The following TRIM59 variants were observed in gnomAD, a reference collection of about 807,000 sequenced individuals.
TRIM59 encodes tripartite motif-containing protein 59.
Under a neutral mutation model 32.2 loss-of-function variants are expected in TRIM59, and 14 were observed. The ratio of observed to expected loss-of-function variants is 0.43; its 90% CI spans 0.29 to 0.68. TRIM59 has a LOEUF of 0.68. Ranked by LOEUF, TRIM59 falls within the 30% of genes least tolerant of loss-of-function variation. The probability of loss-of-function intolerance (pLI) is 0.15; values close to 1 mark genes in which losing one functional copy is unlikely to be tolerated. For synonymous variants in TRIM59, 163 were observed against 155.1 expected, an observed-to-expected ratio of 1.05 and a Z score of -0.38; for missense variants, 471 against 463.3, an observed-to-expected ratio of 1.02 and a Z score of -0.15.
chr3:160,436,642 C>G lies in TRIM59; in HGVS notation c.*1330G>C. The G allele has an allele frequency of 3.2e-6, 2 of 632,914 alleles. No individual in the cohort carries two copies. Among genetic ancestry groups the G allele is most frequent in the Non-Finnish European group, 3.9e-6 (2 of 507,758 alleles). The allele number at this position is 632,914 out of a possible 1,614,324, so 39.2% of individuals were successfully genotyped here. On this transcript the variant is annotated 3_prime_UTR_variant, in exon 3 of 3. Coordinates refer to ENST00000309784, the MANE Select transcript of TRIM59 (RefSeq NM_173084.3). ...TGAAACCCCATCTCTACTAAAAATA[C>G]AGAAAATTAGCTGGGCGTGGTAGCA...
intron 2 of TRIM59, among the ~76,000 whole-genome samples, chr3:160,442,895 A>T (rs1220393382): frequency 1.3e-5 from 2 of 152,200 alleles, no homozygotes; most frequent in African/African-American, 4.8e-5. Context: ...AGGTGGGAAG[A>T]TCACTTGAAG....
intron 2 of TRIM59, among the ~76,000 whole-genome samples, chr3:160,439,705 T>C (rs1398612275): frequency 6.6e-6 from 1 of 152,206 alleles, no homozygotes; most frequent in Non-Finnish European, 1.5e-5. Context: ...CCTTTCACCT[T>C]CTGCCATGAT....
At chr3:160,439,910 T>G (rs1719154652) in intron 2 of TRIM59, among the ~76,000 whole-genome samples, 1 of 152,216 alleles carries the variant, frequency 6.6e-6, no homozygotes, top group Admixed American at 6.5e-5. Context: ...ATTTTAACAT[T>G]TAAGATGATA....
chr3:160,438,561 CAG>C lies in TRIM59; in HGVS notation c.621_622del (p.Cys208Ter). On this transcript the variant is annotated frameshift_variant, in exon 3 of 3. Transcript: ENST00000309784. LOFTEE classifies it high-confidence loss of function. ...TTGATTAATTAGATTGCCAACATCA[CAG>C]AGAGCCGTTAGGAAACTTTTTTTTT... 1.2e-6 allele frequency: 2 copies of C among 1,611,292 alleles called. No individual in the cohort carries two copies. The highest frequency in any genetic ancestry group is 1.7e-4 in the Middle Eastern group (1 of 6,054).
Position 160,435,913 on chromosome 3 carries a change from A to G in TRIM59, c.*2059T>C. The G allele has an allele frequency of 7.8e-7, 1 of 1,278,612 alleles. No individual in the cohort carries two copies. 79.2% of individuals were successfully genotyped at this position (1,278,612 alleles called of 1,614,324 possible). ...CTCATCTACAAAAAGGGGGTTAAAA[A>G]TATTCACATCACAGAAATGAGATTA... On this transcript the variant is annotated 3_prime_UTR_variant, in exon 3 of 3. Coordinates refer to ENST00000309784, the MANE Select transcript of TRIM59 (RefSeq NM_173084.3).
intron 2 of TRIM59, chr3:160,447,807 CCA>C (rs1446813340): frequency 6.6e-6 from 1 of 152,176 alleles, no homozygotes; most frequent in Non-Finnish European, 1.5e-5. Context: ...AGTGGTGCCA[CCA>C]CCCAAACTGG....
chr3:160,448,549 G>C (rs536815460), intron 2 of TRIM59, among the ~76,000 whole-genome samples, 177 bp downstream of exon 2: 9 of 152,310 alleles, frequency 5.9e-5, no homozygotes, highest in African/African-American at 2.2e-4. Context: ...ATCAGAGAAG[G>C]GAGTTGTTTA....
chr3:160,438,280 T>C lies in TRIM59; in HGVS notation c.904A>G (p.Ile302Val). The change falls in exon 3 of 3, where the codon ATT (isoleucine) becomes GTT (valine). Residue 302 changes from isoleucine (I) to valine (V), a missense_variant. Coordinates refer to ENST00000309784, the MANE Select transcript of TRIM59 (RefSeq NM_173084.3). ...TEIGQIKNVL[I>V]PKMKISPKRM... ...TTTGGAGAAATTTTCATTTTGGGAA[T>C]GAGAACGTTCTTAATTTGTCCAATT... is the stretch of plus-strand genomic sequence containing the variant. 1 of 1,613,852 alleles carries C rather than the reference T, an allele frequency of 6.2e-7. No homozygotes were observed. The highest frequency in any genetic ancestry group is 8.5e-7 in the Non-Finnish European group (1 of 1,179,976).
rs141369287 is a variant in TRIM59, at chr3:160,441,069, G to T, written c.-3-1883C>A. On this transcript the variant is annotated intron_variant, in intron 2 of 2. Transcript: ENST00000309784. ...TGCAAACTTGGCTCCTTATCTTTAC[G>T]ATCTGTCAAACTCTTAACTCTTCCT... Among the ~76,000 whole-genome samples the T allele has an allele frequency of 6.5e-3, 986 of 152,164 alleles. 14 individuals carry two copies. Among genetic ancestry groups the T allele is most frequent in the African/African-American group, 0.023 (946 of 41,516 alleles).
At position 160,437,581 on chromosome 3, in the gene TRIM59, AAAAT is replaced by A; in HGVS notation, c.*387_*390del. 1 of 987,406 alleles carries A rather than the reference AAAAT, an allele frequency of 1.0e-6. No homozygotes were observed. The highest frequency in any genetic ancestry group is 1.2e-6 in the Non-Finnish European group (1 of 831,376). The allele number at this position is 987,406 out of a possible 1,614,324, so 61.2% of individuals were successfully genotyped here. A position where few individuals can be genotyped will look rare whatever the true frequency, so the allele number is the denominator to read the frequency against. On this transcript the variant is annotated 3_prime_UTR_variant, in exon 3 of 3. Transcript: ENST00000309784. ...CCATTCAAAAGCTTCAAGCCACATCAAAATAAAGGTATATGTTCTTTCAGGATTT... is the reference window on the plus strand; with the variant it reads ...CCATTCAAAAGCTTCAAGCCACATCAAAAGGTATATGTTCTTTCAGGATTT...
chr3:160,448,502 T>G (rs1259159782), intron 2 of TRIM59, among the ~76,000 whole-genome samples: 1 of 152,230 alleles, frequency 6.6e-6, no homozygotes, highest in African/African-American at 2.4e-5. Context: ...TCTAGAAGGA[T>G]GTACAAAAGA....
At chr3:160,447,761 C>T (rs1719609044) in intron 2 of TRIM59, 1 of 152,214 alleles carries the variant, frequency 6.6e-6, no homozygotes, top group Admixed American at 6.5e-5. Context: ...TGTCCCAAGA[C>T]TTCTAGTGAG....
At chr3:160,441,891 G>C in intron 2 of TRIM59, among the ~76,000 whole-genome samples, 1 of 151,966 alleles carries the variant, frequency 6.6e-6, no homozygotes, top group Non-Finnish European at 1.5e-5. Context: ...TAAAGTAATT[G>C]AGCAACAGTA....
At chr3:160,442,220 G>A (rs900971646) in intron 2 of TRIM59, among the ~76,000 whole-genome samples, 61 of 152,300 alleles carry the variant, frequency 4.0e-4, no homozygotes, top group Admixed American at 8.5e-4. Flanking sequence ...CCTATTCTAT[G>A]CTTGCAGAAA....
chr3:160,437,993 C>T lies in TRIM59; in HGVS notation c.1191G>A (p.Val397=), dbSNP rs1337638969. ...CHIFYLLKEF[V]WKIVSH ...ATTTTCAATGGGAAACTATTTTCCA[C>T]ACAAATTCCTTCAACAAATAGAAAA... The change falls in exon 3 of 3, where the codon GTG becomes GTA. Residue 397 remains valine (V), a synonymous_variant. Coordinates refer to ENST00000309784, the MANE Select transcript of TRIM59 (RefSeq NM_173084.3). 3 of 1,551,834 alleles carry T rather than the reference C, an allele frequency of 1.9e-6. No individual in the cohort carries two copies. Among genetic ancestry groups the T allele is most frequent in the African/African-American group, 1.4e-5 (1 of 72,262 alleles).
chr3:160,435,991 T>C lies in TRIM59; in HGVS notation c.*1981A>G. ...TTCATTGCTTACGTGTTTTTGAAAC[T>C]ACAGGGCACTTTTATGGTGTGACTA... On this transcript the variant is annotated 3_prime_UTR_variant, in exon 3 of 3. Transcript: ENST00000309784. 7.9e-7 allele frequency: 1 copy of C among 1,262,188 alleles called. No individual in the cohort carries two copies. Among genetic ancestry groups the C allele is most frequent in the South Asian group, 1.3e-5 (1 of 75,548 alleles). The allele number at this position is 1,262,188 out of a possible 1,614,324, so 78.2% of individuals were successfully genotyped here.
Position 160,436,914 on chromosome 3 carries a change from A to G in TRIM59, c.*1058T>C, listed in dbSNP as rs185135968. On this transcript the variant is annotated 3_prime_UTR_variant, in exon 3 of 3. Coordinates refer to ENST00000309784, the MANE Select transcript of TRIM59 (RefSeq NM_173084.3). The stretch of plus-strand genomic sequence containing the variant: ...AGATGAATAAAGTCCACATGATGCC[A>G]TCAAAACCTGTTGCAGACCAAGTTA... The G allele has an allele frequency of 3.7e-3, 3,664 of 985,340 alleles. 16 individuals are homozygous for G. Among genetic ancestry groups the G allele is most frequent in the Middle Eastern group, 6.3e-3 (12 of 1,914 alleles). The allele number at this position is 985,340 out of a possible 1,614,324, so 61.0% of individuals were successfully genotyped here.
chr3:160,444,663 G>A (rs1719430264), intron 2 of TRIM59, among the ~76,000 whole-genome samples: 1 of 152,228 alleles, frequency 6.6e-6, no homozygotes, highest in Non-Finnish European at 1.5e-5. Flanking sequence ...TGAGTTCTAG[G>A]TATAGCCCTT....
At position 160,436,823 on chromosome 3, in the gene TRIM59, AAAGAT is replaced by A; in HGVS notation, c.*1144_*1148del. On this transcript the variant is annotated 3_prime_UTR_variant, in exon 3 of 3. Transcript: ENST00000309784. ...AAAAAAAAAAAAAAAAAAAAAAAAAAAAGATTAAGTTGTTGGTACTTTTGCATTAG... is the reference window on the plus strand; with the variant it reads ...AAAAAAAAAAAAAAAAAAAAAAAAAATAAGTTGTTGGTACTTTTGCATTAG... 1 of 882,284 alleles carries A rather than the reference AAAGAT, an allele frequency of 1.1e-6. No homozygotes were observed. The highest frequency in any genetic ancestry group is 5.1e-5 in the South Asian group (1 of 19,568). 54.7% of individuals were successfully genotyped at this position (882,284 alleles called of 1,614,324 possible). A position where few individuals can be genotyped will look rare whatever the true frequency, so the allele number is the denominator to read the frequency against.
Sources: gnomAD v4.1 joint callset for allele counts (sites outside exome capture counted in the v4.1 genomes callset) on GRCh38, gnomAD v4.1.1 for gene constraint, MANE v1.5 for transcripts, NCBI Gene and HGNC (gene_info 2026-07-23, HGNC 2026-07-21) for gene names.